Variants in TPP2 observed in about 807,000 individuals in gnomAD.
The protein encoded by TPP2 is tripeptidyl peptidase 2.
A neutral mutation model predicts 155.9 loss-of-function variants in TPP2; 34 were observed. That is an observed-to-expected ratio of 0.22 (90% CI 0.17 to 0.29). TPP2 has a LOEUF of 0.29. Among genes scored for constraint, TPP2 ranks in the 10% least tolerant of loss-of-function variants. TPP2 has a pLI of 1.00. For synonymous variants in TPP2, 510 were observed against 529.4 expected (o/e 0.96, Z 0.50); for missense variants, 1,028 against 1,522.3 (o/e 0.68, Z 5.40).
At chr13:102,670,672 C>T (rs1884915257) in intron 27 of TPP2, among the ~76,000 whole-genome samples, 1 of 152,204 alleles carries the variant, frequency 6.6e-6, no homozygotes, top group African/African-American at 2.4e-5. Flanking sequence ...GAGTCTAGGG[C>T]TGTATTGCCC....
intron 6 of TPP2, among the ~76,000 whole-genome samples, chr13:102,624,444 C>G (rs887286549): frequency 6.6e-6 from 1 of 152,054 alleles, no homozygotes. Flanking sequence ...TCCAGGAAAC[C>G]ACCACAATCA....
At chr13:102,629,692 T>A (rs1566338704) in intron 9 of TPP2, 83 bp downstream of exon 9, 1 of 1,475,420 alleles carries the variant, frequency 6.8e-7, no homozygotes, top group East Asian at 2.5e-5. Context: ...CCTGTATCTC[T>A]GCTACACGTA....
intron 27 of TPP2, among the ~76,000 whole-genome samples, chr13:102,672,261 A>T (rs633390): frequency 0.81 from 123,800 of 152,144 alleles, 50,846 homozygotes; most frequent in African/African-American, 0.9. Flanking sequence ...TTAGTACAGA[A>T]TTAATGACAA....
rs765695615 is a variant in TPP2 at position 102,640,224 on chromosome 13, G to C, written c.1914-46G>C. On this transcript the variant is annotated intron_variant, in intron 15 of 29. Coordinates refer to ENST00000376052, the MANE Select transcript of TPP2 (RefSeq NM_001330588.2). ...TCCAATGAAATCTAGAGTATCTGTG[G>C]TCTTATAATAAATATATACATTTAA... The C allele has an allele frequency of 3.7e-6, 5 of 1,350,574 alleles. 1 individual carries two copies. The South Asian group carries it at 7.0e-5, about 19-fold the overall frequency. 83.7% of individuals were successfully genotyped at this position (1,350,574 alleles called of 1,614,324 possible). A position where few individuals can be genotyped will look rare whatever the true frequency, so the allele number is the denominator to read the frequency against.
At chr13:102,626,050 T>A (rs933221546) in intron 6 of TPP2, among the ~76,000 whole-genome samples, 1 of 152,240 alleles carries the variant, frequency 6.6e-6, no homozygotes, top group Admixed American at 6.5e-5. Context: ...CACTTCTTTG[T>A]AACTACAACT....
intron 1 of TPP2, among the ~76,000 whole-genome samples, chr13:102,598,777 C>A (rs1328680803): frequency 6.6e-6 from 1 of 152,114 alleles, no homozygotes; most frequent in Non-Finnish European, 1.5e-5. Context: ...ATTTCCAGAT[C>A]TGTTTCTCAC....
chr13:102,609,453 A>G (rs1043993435), intron 2 of TPP2, among the ~76,000 whole-genome samples: 2 of 132,616 alleles, frequency 1.5e-5, no homozygotes, highest in Admixed American at 1.7e-4. Context: ...ACTGGAGTGC[A>G]ATGGCGCGAT....
intron 10 of TPP2, among the ~76,000 whole-genome samples, chr13:102,631,928 G>A (rs1156234705): frequency 3.3e-5 from 5 of 152,184 alleles, no homozygotes; most frequent in Non-Finnish European, 5.9e-5. Flanking sequence ...GCATTTGCAC[G>A]TGTGGCATAT....
At chr13:102,660,364 A>T (rs913661923) in intron 25 of TPP2, among the ~76,000 whole-genome samples, 8 of 152,208 alleles carry the variant, frequency 5.3e-5, no homozygotes, top group Non-Finnish European at 7.4e-5. Flanking sequence ...CAATAATTTA[A>T]AGTTTACAGG....
intron 25 of TPP2, among the ~76,000 whole-genome samples, chr13:102,660,698 T>C (rs1884153932): frequency 6.6e-6 from 1 of 152,166 alleles, no homozygotes; most frequent in Non-Finnish European, 1.5e-5. Flanking sequence ...AAGAGCAAAG[T>C]AGGGCTCACA....
chr13:102,604,546 C>CTATAGTATAGTGAG (rs372096551), intron 1 of TPP2, among the ~76,000 whole-genome samples: 31 of 152,254 alleles, frequency 2.0e-4, no homozygotes, highest in African/African-American at 5.8e-4. Flanking sequence ...AGGGTGTGGT[C>CTATAGTATAGTGAG]TATAGTAAAT....
intron 25 of TPP2, among the ~76,000 whole-genome samples, chr13:102,661,250 CTTT>C (rs35157211): frequency 1.6e-5 from 2 of 124,118 alleles, no homozygotes; most frequent in African/African-American, 3.1e-5. Flanking sequence ...GAACGCTAAC[CTTT>C]TTTTTTTTTT....
chr13:102,619,457 A>G (rs1402147480), intron 5 of TPP2, among the ~76,000 whole-genome samples: 1 of 151,840 alleles, frequency 6.6e-6, no homozygotes, highest in Non-Finnish European at 1.5e-5. Flanking sequence ...ACAAACAAAC[A>G]GGGACTATTT....
At chr13:102,621,897 C>T (rs1881193826) in intron 5 of TPP2, among the ~76,000 whole-genome samples, 1 of 152,156 alleles carries the variant, frequency 6.6e-6, no homozygotes, top group Admixed American at 6.5e-5. Flanking sequence ...ATGCATTTTA[C>T]CCACTAATCT....
In TPP2 at chr13:102,657,096, C is replaced by G. The variant is rs140116320; in HGVS notation, c.3032C>G (p.Thr1011Arg). 1 of 1,588,164 alleles carries G rather than the reference C, an allele frequency of 6.3e-7. No individual in the cohort carries two copies. Among genetic ancestry groups the G allele is most frequent in the African/African-American group, 1.4e-5 (1 of 73,058 alleles). The change falls in exon 25 of 30, where the codon ACA (threonine) becomes AGA (arginine). Residue 1011 changes from threonine (T) to arginine (R), a missense_variant. Thr to Arg is a moderately conservative substitution (Grantham distance 71, BLOSUM62 -1). Coordinates refer to ENST00000376052, the MANE Select transcript of TPP2 (RefSeq NM_001330588.2). The stretch of plus-strand genomic sequence containing the variant: ...CATTACTACTTAATACCTCCACCAA[C>G]AAAGACTAAGAATGGCAGCAAAGAT... ...PVHYYLIPPP[T>R]KTKNGSKDKE...
At chr13:102,629,364 C>A in intron 8 of TPP2, 118 bp from the exon 9 acceptor site, 1 of 1,201,364 alleles carries the variant, frequency 8.3e-7, no homozygotes. Context: ...TATCATGTTC[C>A]ACCAAGGGTG....
chr13:102,635,500 G>T (rs1882309615), intron 11 of TPP2, 87 bp from the exon 12 acceptor site: 1 of 840,546 alleles, frequency 1.2e-6, no homozygotes, highest in African/African-American at 1.7e-5. Context: ...AACACCAGAG[G>T]GTCTACAGGT....
intron 23 of TPP2, 104 bp from the exon 24 acceptor site, chr13:102,651,255 T>C: frequency 7.6e-7 from 1 of 1,322,864 alleles, no homozygotes; most frequent in Non-Finnish European, 1.0e-6. Flanking sequence ...CTAAGTGGTG[T>C]AACACAGGTG....
At chr13:102,675,736 T>C (rs582372) in intron 28 of TPP2, among the ~76,000 whole-genome samples, 101,109 of 152,048 alleles carry the variant, frequency 0.66, 33,820 homozygotes, top group Middle Eastern at 0.7. Context: ...TTACTGTGTC[T>C]ATGGCAACAA....
Sources: gnomAD v4.1 joint callset for allele counts (sites outside exome capture counted in the v4.1 genomes callset) on GRCh38, gnomAD v4.1.1 for gene constraint, MANE v1.5 for transcripts, NCBI Gene and HGNC (gene_info 2026-07-23, HGNC 2026-07-21) for gene names.